Variants in SDCCAG8 observed in about 807,000 individuals in gnomAD.
SDCCAG8 encodes SHH signaling and ciliogenesis regulator SDCCAG8.
In SDCCAG8, 74 loss-of-function variants were observed where a neutral mutation model predicts 101.8. That is an observed-to-expected ratio of 0.73 (90% CI 0.60 to 0.88). The LOEUF is 0.88. Ranked by LOEUF, SDCCAG8 falls within the 40% of genes least tolerant of loss-of-function variation. SDCCAG8 has a pLI of 0.00. For synonymous variants in SDCCAG8, 281 were observed against 292.9 expected (o/e 0.96, Z 0.41); for missense variants, 787 against 822.6 (o/e 0.96, Z 0.53).
intron 16 of SDCCAG8, among the ~76,000 whole-genome samples, chr1:243,427,529 C>T (rs2081419670): frequency 6.6e-6 from 1 of 151,990 alleles, no homozygotes; most frequent in Admixed American, 6.5e-5. Flanking sequence ...CCAGTGGACA[C>T]GGTTCGCGTG....
At chr1:243,312,706 C>CAAAAA (rs34803859) in intron 8 of SDCCAG8, among the ~76,000 whole-genome samples, 8 of 99,198 alleles carry the variant, frequency 8.1e-5, no homozygotes, top group African/African-American at 2.5e-4. Context: ...AACCTGTCTC[C>CAAAAA]AAAAAAAAAA....
chr1:243,422,758 T>C (rs896256817), intron 15 of SDCCAG8, among the ~76,000 whole-genome samples: 2 of 152,204 alleles, frequency 1.3e-5, no homozygotes, highest in Non-Finnish European at 2.9e-5. Context: ...AATTAAGATA[T>C]TGTATTTCCC....
Position 243,499,720 on chromosome 1 carries a change from G to A in SDCCAG8, c.2113-36G>A, listed in dbSNP as rs752562729. On this transcript the variant is annotated intron_variant, in intron 17 of 17. Transcript: ENST00000366541. ...GAAGACAAATAACATTGAAGAACAT[G>A]AGCTATTGAAACTTACTTTTTATTA... 5 of 1,513,152 alleles carry A rather than the reference G, an allele frequency of 3.3e-6. No individual in the cohort carries two copies. The South Asian group carries it at 5.6e-5, about 17-fold the overall frequency. The allele number at this position is 1,513,152 out of a possible 1,614,324, so 93.7% of individuals were successfully genotyped here.
intron 12 of SDCCAG8, 142 bp downstream of exon 12, chr1:243,344,473 T>A: frequency 2.8e-6 from 2 of 725,802 alleles, no homozygotes; most frequent in Non-Finnish European, 2.4e-6. Context: ...TTAGGAAAAT[T>A]TCTTTTATAG....
intron 4 of SDCCAG8, among the ~76,000 whole-genome samples, chr1:243,275,846 T>C (rs955424334): frequency 6.7e-6 from 1 of 150,326 alleles, no homozygotes; most frequent in Non-Finnish European, 1.5e-5. Flanking sequence ...GAGAGAGATC[T>C]TGAACCAATG....
chr1:243,474,193 G>A lies in SDCCAG8; in HGVS notation c.1986-14821G>A, dbSNP rs1661870516. ...AATCACGCAGCACCTTTCCCATCGCGGGGAAATCAACCTTTTTACTCATTG... is the reference window on the plus strand; with the variant it reads ...AATCACGCAGCACCTTTCCCATCGCAGGGAAATCAACCTTTTTACTCATTG... On this transcript the variant is annotated intron_variant, in intron 16 of 17. Coordinates refer to ENST00000366541, the MANE Select transcript of SDCCAG8 (RefSeq NM_006642.5). This position sits in a 1 kb window ranked among gnomAD's most constrained non-coding sequence, Gnocchi z 4.7. Among the ~76,000 whole-genome samples, 1 of 152,096 alleles carries A rather than the reference G, an allele frequency of 6.6e-6. No individual in the cohort carries two copies. The highest frequency in any genetic ancestry group is 6.5e-5 in the Admixed American group (1 of 15,268).
At chr1:243,462,463 G>A (rs1404527712) in intron 16 of SDCCAG8, among the ~76,000 whole-genome samples, 1 of 152,192 alleles carries the variant, frequency 6.6e-6, no homozygotes, top group East Asian at 1.9e-4. Flanking sequence ...TCCTAACACT[G>A]TCATACACAC....
chr1:243,424,009 T>C (rs2081183349), intron 15 of SDCCAG8, among the ~76,000 whole-genome samples: 1 of 152,172 alleles, frequency 6.6e-6, no homozygotes, highest in Non-Finnish European at 1.5e-5. Context: ...TTTGTTGTGC[T>C]ATTTTTTGAA....
chr1:243,341,047 C>A lies in SDCCAG8; in HGVS notation c.1230C>A (p.Ile410=), dbSNP rs1281791137. Residue 410 remains isoleucine, a synonymous_variant, in exon 11 of 18, where the codon ATC becomes ATA. Coordinates refer to ENST00000366541, the MANE Select transcript of SDCCAG8 (RefSeq NM_006642.5). The part of the protein sequence containing the change: ...EREYMGSKML[I]LSQNIAQLEA... ...TTTATTTTCCCTTACAGATGTTGAT[C>A]TTGTCTCAGAATATTGCCCAACTGG... is the stretch of plus-strand genomic sequence containing the variant. 1.9e-6 allele frequency: 3 copies of A among 1,613,242 alleles called. No individual in the cohort carries two copies. The highest frequency in any genetic ancestry group is 2.5e-6 in the Non-Finnish European group (3 of 1,179,326).
intron 6 of SDCCAG8, among the ~76,000 whole-genome samples, chr1:243,303,055 A>T (rs2071694922): frequency 6.6e-6 from 1 of 152,158 alleles, no homozygotes; most frequent in Non-Finnish European, 1.5e-5. Flanking sequence ...GTGGTGGAAA[A>T]GGTTGGGAGT....
At chr1:243,470,771 G>C (rs548685722) in intron 16 of SDCCAG8, among the ~76,000 whole-genome samples, 1 of 152,104 alleles carries the variant, frequency 6.6e-6, no homozygotes, top group African/African-American at 2.4e-5. Context: ...CCCTCCTGTG[G>C]CAAGACAGCA....
chr1:243,364,252 T>G (rs2076874399), intron 12 of SDCCAG8, among the ~76,000 whole-genome samples: 1 of 152,108 alleles, frequency 6.6e-6, no homozygotes, highest in African/African-American at 2.4e-5. Flanking sequence ...AGTTTTCCAG[T>G]GGAAGAGGAA....
chr1:243,496,062 A>C (rs1667777700), intron 17 of SDCCAG8, among the ~76,000 whole-genome samples: 1 of 152,242 alleles, frequency 6.6e-6, no homozygotes, highest in African/African-American at 2.4e-5. Context: ...CCCAGAGCCC[A>C]GCACAGATGA....
chr1:243,371,694 T>C (rs2077299268), intron 12 of SDCCAG8, among the ~76,000 whole-genome samples: 1 of 152,152 alleles, frequency 6.6e-6, no homozygotes, highest in Non-Finnish European at 1.5e-5. Context: ...GAGTTTCTAC[T>C]TATAATATCC....
chr1:243,429,344 T>C lies in SDCCAG8; in HGVS notation c.1985+2786T>C, dbSNP rs150164276. Among the ~76,000 whole-genome samples, 5 of 152,264 alleles carry C rather than the reference T, an allele frequency of 3.3e-5. No homozygotes were observed. In the East Asian group the frequency reaches 9.6e-4, roughly 29 times the overall value. On this transcript the variant is annotated intron_variant, in intron 16 of 17. Coordinates refer to ENST00000366541, the MANE Select transcript of SDCCAG8 (RefSeq NM_006642.5). ...TAAATATGTGTTAATCAACCATTTA[T>C]GTTATCAATATAAGGCTTCTGGTCA...
intron 4 of SDCCAG8, among the ~76,000 whole-genome samples, chr1:243,279,016 C>G (rs1372858996): frequency 6.6e-6 from 1 of 152,080 alleles, no homozygotes; most frequent in Non-Finnish European, 1.5e-5. Flanking sequence ...GTCTTGAACT[C>G]CTGGGCTCAA....
At chr1:243,274,725 A>G in intron 4 of SDCCAG8, 69 bp downstream of exon 4, 1 of 931,884 alleles carries the variant, frequency 1.1e-6, no homozygotes, top group Admixed American at 1.9e-5. Flanking sequence ...TTGTATTAAA[A>G]TTTGCTGCTA....
At chr1:243,440,830 C>CAT (rs1350920704) in intron 16 of SDCCAG8, among the ~76,000 whole-genome samples, 1 of 152,134 alleles carries the variant, frequency 6.6e-6, no homozygotes, top group Non-Finnish European at 1.5e-5. Context: ...GGGGGAAGAG[C>CAT]AGTTTCGTGC....
intron 6 of SDCCAG8, among the ~76,000 whole-genome samples, chr1:243,300,488 C>T (rs2071393534): frequency 1.3e-5 from 2 of 152,154 alleles, no homozygotes; most frequent in South Asian, 4.1e-4. Flanking sequence ...CTTTCAGTGG[C>T]CCTCCAGTGT....
Sources: allele counts gnomAD v4.1 joint callset (sites outside exome capture counted in the v4.1 genomes callset), GRCh38; gene constraint gnomAD v4.1.1; non-coding constraint Gnocchi (gnomAD v3.1); transcripts MANE v1.5; gene names NCBI Gene and HGNC (gene_info 2026-07-23, HGNC 2026-07-21).